Variants in CACNA1D observed in about 807,000 individuals in gnomAD.
The protein encoded by CACNA1D is calcium voltage-gated channel subunit alpha1 D.
A neutral mutation model predicts 257.1 loss-of-function variants in CACNA1D; 55 were observed. The observed-to-expected ratio is 0.21, with a 90% CI of 0.17 to 0.27. The LOEUF (loss-of-function observed/expected upper bound fraction) is 0.27, where lower values mean the gene tolerates loss of function less well. CACNA1D is among the 10% of genes least tolerant of loss of function. The pLI is 1.00. For synonymous variants in CACNA1D, 980 were observed against 1,014.9 expected (o/e 0.97, Z 0.65); for missense variants, 1,876 against 2,784.0 (o/e 0.67, Z 7.34).
intron 3 of CACNA1D, among the ~76,000 whole-genome samples, chr3:53,645,211 G>GAA (rs2094006154): frequency 1.3e-5 from 2 of 152,172 alleles, no homozygotes; most frequent in South Asian, 4.1e-4. Context: ...ATCTATTTTT[G>GAA]ATATTAACCC....
intron 17 of CACNA1D, among the ~76,000 whole-genome samples, chr3:53,731,448 C>T (rs953388766): frequency 1.3e-5 from 2 of 152,174 alleles, no homozygotes; most frequent in African/African-American, 2.4e-5. Context: ...GTCAGGATCA[C>T]GTTAGCATCT....
chr3:53,719,931 A>G (rs906253970), intron 11 of CACNA1D, 150 bp downstream of exon 11: 12 of 825,474 alleles, frequency 1.5e-5, no homozygotes, highest in Non-Finnish European at 2.4e-5. Flanking sequence ...ATTGAATCCT[A>G]TGAGCCTGGC....
intron 7 of CACNA1D, among the ~76,000 whole-genome samples, chr3:53,669,572 G>C (rs183561002): frequency 6.6e-6 from 1 of 152,322 alleles, no homozygotes; most frequent in African/African-American, 2.4e-5. Flanking sequence ...TTCAGTCAGC[G>C]TTCTCAAGCT....
Position 53,774,722 on chromosome 3 carries a change from CGCTAGGCGTGG to C in CACNA1D, c.4202+46_4202+56del. On this transcript the variant is annotated intron_variant, in intron 34 of 47. Transcript: ENST00000350061. This position sits in a 1 kb window ranked among gnomAD's most constrained non-coding sequence, Gnocchi z 4.3. ...GGCGGTGCTCCTGGGCAGGGGGGTC[CGCTAGGCGTGG>C]GTCCAGAGGGACGGAGGACACAGGT... The C allele has an allele frequency of 8.8e-7, 1 of 1,142,848 alleles. No individual in the cohort carries two copies. Among genetic ancestry groups the C allele is most frequent in the South Asian group, 1.2e-5 (1 of 81,650 alleles). The allele number at this position is 1,142,848 out of a possible 1,614,324, so 70.8% of individuals were successfully genotyped here.
chr3:53,721,407 C>T (rs1216153362), intron 11 of CACNA1D, among the ~76,000 whole-genome samples: 1 of 152,228 alleles, frequency 6.6e-6, no homozygotes, highest in Non-Finnish European at 1.5e-5. Flanking sequence ...TGAGGCAGCA[C>T]AGCCTGGAGA....
In CACNA1D at chr3:53,507,673, A is replaced by T. The variant is rs2090913905; in HGVS notation, c.483+5953A>T. Among the ~76,000 whole-genome samples the T allele has an allele frequency of 2.0e-5, 3 of 152,208 alleles. 1 individual carries two copies. The South Asian group carries it at 6.2e-4, about 31-fold the overall frequency. ...TTTTTTACTATTAAAATTCCATAAG[A>T]GGAATTCCAGTGGGGGTCCTTGCTC... On this transcript the variant is annotated intron_variant, in intron 3 of 47. Transcript: ENST00000350061.
chr3:53,718,788 T>C (rs1385176229), intron 10 of CACNA1D: 1 of 1,475,594 alleles, frequency 6.8e-7, no homozygotes, highest in Non-Finnish European at 9.2e-7. Flanking sequence ...ATTTGTGCTT[T>C]TGAAGAAGAG....
chr3:53,525,303 G>A (rs1025777227), intron 3 of CACNA1D, among the ~76,000 whole-genome samples: 53 of 152,112 alleles, frequency 3.5e-4, no homozygotes, highest in African/African-American at 1.2e-3. Context: ...TCCTGGTATC[G>A]TAAATGAGCA....
chr3:53,630,288 T>G (rs1318787579), intron 3 of CACNA1D, among the ~76,000 whole-genome samples: 1 of 152,218 alleles, frequency 6.6e-6, no homozygotes, highest in Non-Finnish European at 1.5e-5. Flanking sequence ...AACAAGAACA[T>G]AAAGATACAG....
chr3:53,658,754 G>T (rs72978534), intron 4 of CACNA1D, among the ~76,000 whole-genome samples: 2,934 of 152,306 alleles, frequency 0.019, 94 homozygotes, highest in African/African-American at 0.067. Context: ...TGAAGAGAGA[G>T]AAGCCTGTCA....
chr3:53,648,862 A>ACACAC, intron 3 of CACNA1D, among the ~76,000 whole-genome samples: 1 of 150,176 alleles, frequency 6.7e-6, no homozygotes, highest in African/African-American at 2.5e-5. Context: ...ACACACACAC[A>ACACAC]ATTCGTTCAC....
At chr3:53,535,382 C>T (rs890431737) in intron 3 of CACNA1D, among the ~76,000 whole-genome samples, 2 of 152,118 alleles carry the variant, frequency 1.3e-5, no homozygotes, top group African/African-American at 4.8e-5. Flanking sequence ...GCAGAGGATC[C>T]AGTATTATTG....
rs559947855 is a variant in CACNA1D at position 53,545,389 on chromosome 3, GC to G, written c.483+43671del. Among the ~76,000 whole-genome samples the G allele has an allele frequency of 1.6e-3, 245 of 152,312 alleles. 1 individual carries two copies. Among genetic ancestry groups the G allele is most frequent in the African/African-American group, 5.4e-3 (223 of 41,564 alleles). ...CATGGAGCTCGTGAGAGAGCATAAGGCCAGGTTCCCTTTACACACATGTGGT... is the reference window on the plus strand; with the variant it reads ...CATGGAGCTCGTGAGAGAGCATAAGGCAGGTTCCCTTTACACACATGTGGT... On this transcript the variant is annotated intron_variant, in intron 3 of 47. Transcript: ENST00000350061.
rs906778160 is a variant in CACNA1D at position 53,751,273 on chromosome 3, C to T, written c.3517-476C>T. On this transcript the variant is annotated intron_variant, in intron 27 of 47. Coordinates refer to ENST00000350061, the MANE Select transcript of CACNA1D (RefSeq NM_001128840.3). This position sits in a 1 kb window ranked among gnomAD's most constrained non-coding sequence, Gnocchi z 4.3. ...TCTTGGGGAATGAGCCAGCCCCTCT[C>T]GTTCTTGTGAGTTTCTGTGGTTACT... 6.6e-6 allele frequency among the ~76,000 whole-genome samples: 1 copy of T among 152,250 alleles called. No individual in the cohort carries two copies. Among genetic ancestry groups the T allele is most frequent in the Non-Finnish European group, 1.5e-5 (1 of 68,048 alleles).
Position 53,673,482 on chromosome 3 carries a change from T to G in CACNA1D, c.1220+356T>G, listed in dbSNP as rs532086651. Among the ~76,000 whole-genome samples, 6 of 151,624 alleles carry G rather than the reference T, an allele frequency of 4.0e-5. No individual in the cohort carries two copies. In the South Asian group the frequency reaches 1.3e-3, roughly 32 times the overall value. Reference sequence around the variant, plus strand: ...ATGCAGATTAATTGTTATAAAACGATAGCAAAATGAGCTGGATTGGGTGGG... The same window carrying G: ...ATGCAGATTAATTGTTATAAAACGAGAGCAAAATGAGCTGGATTGGGTGGG... On this transcript the variant is annotated intron_variant, in intron 8 of 47. Coordinates refer to ENST00000350061, the MANE Select transcript of CACNA1D (RefSeq NM_001128840.3). This position sits in a 1 kb window ranked among gnomAD's most constrained non-coding sequence, Gnocchi z 4.1.
At chr3:53,645,175 T>C (rs2094005892) in intron 3 of CACNA1D, among the ~76,000 whole-genome samples, 1 of 152,230 alleles carries the variant, frequency 6.6e-6, no homozygotes, top group Admixed American at 6.5e-5. Context: ...GATTGTTTTC[T>C]TGCTATTGAG....
chr3:53,577,199 G>A (rs2093052691), intron 3 of CACNA1D, among the ~76,000 whole-genome samples: 1 of 152,112 alleles, frequency 6.6e-6, no homozygotes, highest in South Asian at 2.1e-4. Flanking sequence ...GCGAGGTGGG[G>A]GTAATAGGTG....
chr3:53,795,982 C>G (rs2095505929), intron 40 of CACNA1D: 1 of 188,526 alleles, frequency 5.3e-6, no homozygotes. Context: ...GACACAAGGA[C>G]CATTCACAAT....
chr3:53,567,850 G>A (rs890720464), intron 3 of CACNA1D, among the ~76,000 whole-genome samples: 1 of 152,172 alleles, frequency 6.6e-6, no homozygotes, highest in Admixed American at 6.5e-5. Context: ...CAGAAGCAAG[G>A]GTCAAGGCTT....
Sources: gnomAD v4.1 joint callset for allele counts (sites outside exome capture counted in the v4.1 genomes callset) on GRCh38, gnomAD v4.1.1 for gene constraint, Gnocchi (gnomAD v3.1) non-coding constraint, MANE v1.5 for transcripts, NCBI Gene and HGNC (gene_info 2026-07-23, HGNC 2026-07-21) for gene names.